ANKS1B: variants seen among roughly 807,000 people sequenced by gnomAD.
The protein encoded by ANKS1B is ankyrin repeat and sterile alpha motif domain containing 1B.
Under a neutral mutation model 148.3 loss-of-function variants are expected in ANKS1B, and 36 were observed. The observed-to-expected ratio is 0.24, with a 90% confidence interval of 0.19 to 0.32. The LOEUF (loss-of-function observed/expected upper bound fraction) is 0.32. Among genes scored for constraint, ANKS1B ranks in the 10% least tolerant of loss-of-function variants. The pLI is 1.00. For missense variants in ANKS1B, 1,157 were observed against 1,542.6 expected, an observed-to-expected ratio of 0.75 and a Z score of 4.19; for synonymous variants, 542 against 560.8, an observed-to-expected ratio of 0.97 and a Z score of 0.47.
chr12:99,308,240 T>C (rs2082628432), intron 12 of ANKS1B, among the ~76,000 whole-genome samples: 1 of 152,082 alleles, frequency 6.6e-6, no homozygotes, highest in Non-Finnish European at 1.5e-5. Context: ...AGACATAACA[T>C]ATCAGATACA....
chr12:99,036,365 A>T (rs563315384), intron 17 of ANKS1B, among the ~76,000 whole-genome samples: 9 of 152,214 alleles, frequency 5.9e-5, no homozygotes, highest in African/African-American at 2.2e-4. Context: ...CAAGACCCAA[A>T]CTGTTTTATT....
chr12:99,638,211 G>A (rs957629760), intron 9 of ANKS1B, among the ~76,000 whole-genome samples: 2 of 152,134 alleles, frequency 1.3e-5, no homozygotes, highest in African/African-American at 2.4e-5. Context: ...CTGGGTAACC[G>A]GCAGAGGTTG....
At chr12:99,906,818 T>C (rs2093799825) in intron 1 of ANKS1B, among the ~76,000 whole-genome samples, 1 of 152,134 alleles carries the variant, frequency 6.6e-6, no homozygotes, top group African/African-American at 2.4e-5. Context: ...ATATTTATTG[T>C]AGTGCCGGGA....
At chr12:99,201,430 G>A (rs934283080) in intron 14 of ANKS1B, among the ~76,000 whole-genome samples, 3 of 152,092 alleles carry the variant, frequency 2.0e-5, no homozygotes, top group African/African-American at 4.8e-5. Flanking sequence ...GATTACTAAG[G>A]AACATACTGT....
At chr12:99,814,592 G>A (rs2068865155) in intron 2 of ANKS1B, among the ~76,000 whole-genome samples, 1 of 151,722 alleles carries the variant, frequency 6.6e-6, no homozygotes, top group Non-Finnish European at 1.5e-5. Context: ...GAGGTAATGA[G>A]AATTCAATAC....
At chr12:99,543,818 G>T (rs1255059401) in intron 9 of ANKS1B, among the ~76,000 whole-genome samples, 1 of 152,100 alleles carries the variant, frequency 6.6e-6, no homozygotes, top group South Asian at 2.1e-4. Context: ...TGATAAAGGT[G>T]TATGCCAACT....
At chr12:99,907,270 G>T (rs2093817803) in intron 1 of ANKS1B, among the ~76,000 whole-genome samples, 1 of 152,132 alleles carries the variant, frequency 6.6e-6, no homozygotes, top group South Asian at 2.1e-4. Flanking sequence ...ATTTTCCTGA[G>T]GCTGTCTGCT....
intron 15 of ANKS1B, among the ~76,000 whole-genome samples, chr12:99,148,862 G>A (rs1305685790): frequency 6.6e-6 from 1 of 152,026 alleles, no homozygotes; most frequent in Non-Finnish European, 1.5e-5. Flanking sequence ...TCTTTCAAAA[G>A]TGGGTTTGTA....
At chr12:99,626,816 A>G (rs2153386061) in intron 9 of ANKS1B, among the ~76,000 whole-genome samples, 1 of 152,322 alleles carries the variant, frequency 6.6e-6, no homozygotes, top group African/African-American at 2.4e-5. Context: ...GAGCAGCACT[A>G]GACCGCAGGG....
At chr12:99,780,090 T>G in intron 5 of ANKS1B, 118 bp from the exon 6 acceptor site, 1 of 723,402 alleles carries the variant, frequency 1.4e-6, no homozygotes, top group African/African-American at 1.8e-5. Flanking sequence ...AAAGTGATTT[T>G]TAAAAAATTA....
Position 99,021,235 on chromosome 12 carries a change from T to C in ANKS1B, c.2778+31922A>G, listed in dbSNP as rs777524147. Among the ~76,000 whole-genome samples, 66 of 152,270 alleles carry C rather than the reference T, an allele frequency of 4.3e-4. 1 individual carries two copies. The highest frequency in any genetic ancestry group is 1.7e-3 in the South Asian group (8 of 4,824). Reference sequence around the variant, plus strand: ...CATGACACAAAATTGTAGCATGCCTTACACTTATTGACTTGGGAGAGTTTT... The same window carrying C: ...CATGACACAAAATTGTAGCATGCCTCACACTTATTGACTTGGGAGAGTTTT... On this transcript the variant is annotated intron_variant, in intron 17 of 26. Transcript: ENST00000683438.
chr12:99,532,207 C>G (rs1277683459), intron 9 of ANKS1B, among the ~76,000 whole-genome samples: 7 of 152,258 alleles, frequency 4.6e-5, no homozygotes, highest in African/African-American at 1.4e-4. Flanking sequence ...TTAATTCAAT[C>G]ACATTTATTT....
intron 17 of ANKS1B, among the ~76,000 whole-genome samples, chr12:98,952,448 T>C (rs190256789): frequency 6.6e-6 from 1 of 152,340 alleles, no homozygotes; most frequent in African/African-American, 2.4e-5. Context: ...TCACAGATAA[T>C]GAAGTATTTG....
At chr12:99,048,950 C>A (rs1446952891) in intron 17 of ANKS1B, 1 of 152,146 alleles carries the variant, frequency 6.6e-6, no homozygotes, top group Non-Finnish European at 1.5e-5. Flanking sequence ...TTGTGGGGAG[C>A]CAGCTGTACT....
At chr12:99,253,567 G>T (rs2074906388) in intron 12 of ANKS1B, among the ~76,000 whole-genome samples, 2 of 152,110 alleles carry the variant, frequency 1.3e-5, no homozygotes, top group Admixed American at 1.3e-4. Context: ...AAAGGATTTA[G>T]ATAGAGGGCA....
chr12:99,658,277 T>C (rs777426465), intron 8 of ANKS1B, among the ~76,000 whole-genome samples: 3 of 152,180 alleles, frequency 2.0e-5, no homozygotes, highest in Non-Finnish European at 4.4e-5. Flanking sequence ...GCCTTATCTA[T>C]GCAATGGAAA....
intron 17 of ANKS1B, among the ~76,000 whole-genome samples, chr12:98,994,471 G>A (rs994265726): frequency 5.9e-5 from 9 of 152,126 alleles, no homozygotes; most frequent in South Asian, 2.1e-4. Flanking sequence ...ACAAAAATTA[G>A]TTGGGCATGG....
chr12:99,732,497 A>G (rs772268811), intron 8 of ANKS1B, among the ~76,000 whole-genome samples: 13 of 152,332 alleles, frequency 8.5e-5, no homozygotes, highest in Admixed American at 2.6e-4. Flanking sequence ...AGCCAGGCAC[A>G]AAAGACTGTA....
intron 17 of ANKS1B, among the ~76,000 whole-genome samples, chr12:98,936,490 G>T (rs146471022): frequency 6.6e-6 from 1 of 152,098 alleles, no homozygotes; most frequent in African/African-American, 2.4e-5. Context: ...AGCCGGGCGT[G>T]GTGGCAGTTG....
Sources: allele counts gnomAD v4.1 joint callset (sites outside exome capture counted in the v4.1 genomes callset), GRCh38; gene constraint gnomAD v4.1.1; transcripts MANE v1.5; gene names NCBI Gene and HGNC (gene_info 2026-07-23, HGNC 2026-07-21).